TDRD10: variants seen among roughly 807,000 people sequenced by gnomAD.
The protein encoded by TDRD10 is tudor domain-containing protein 10.
A neutral mutation model predicts 48.0 loss-of-function variants in TDRD10; 40 were observed. The observed-to-expected ratio is 0.83, with a 90% confidence interval of 0.65 to 1.09. The LOEUF is 1.09. Ranked by LOEUF, TDRD10 falls within the 50% of genes least tolerant of loss-of-function variation. TDRD10 has a pLI of 0.00. For synonymous variants in TDRD10, 162 were observed against 170.4 expected, an observed-to-expected ratio of 0.95 and a Z score of 0.38; for missense variants, 378 against 434.7, an observed-to-expected ratio of 0.87 and a Z score of 1.16.
chr1:154,546,451 T>G (rs894850210), intron 11 of TDRD10, among the ~76,000 whole-genome samples: 1 of 146,438 alleles, frequency 6.8e-6, no homozygotes, highest in African/African-American at 2.5e-5. Flanking sequence ...GTAATATATA[T>G]TATATATTAT....
intron 1 of TDRD10, among the ~76,000 whole-genome samples, chr1:154,504,767 T>C (rs1693049039): frequency 6.6e-6 from 1 of 152,290 alleles, no homozygotes; most frequent in East Asian, 1.9e-4. Context: ...ATGTATTCTT[T>C]AGGTCTTTTT....
At chr1:154,547,307 C>T (rs1006303439) in intron 11 of TDRD10, 102 bp from the exon 12 acceptor site, 8 of 1,254,422 alleles carry the variant, frequency 6.4e-6, no homozygotes, top group Middle Eastern at 2.3e-4. Flanking sequence ...TGGTTGGCGG[C>T]CAGAGCACTT....
At chr1:154,529,688 G>C (rs1484793587) in intron 6 of TDRD10, among the ~76,000 whole-genome samples, 1 of 151,734 alleles carries the variant, frequency 6.6e-6, no homozygotes, top group Admixed American at 6.6e-5. Flanking sequence ...TGAGATTATA[G>C]GCGCCCACCA....
intron 6 of TDRD10, 132 bp from the exon 7 acceptor site, chr1:154,541,892 C>G: frequency 1.3e-6 from 1 of 784,738 alleles, no homozygotes; most frequent in Non-Finnish European, 2.0e-6. Flanking sequence ...TCTCAAAAGT[C>G]AGCTCTAAAG....
At chr1:154,543,611 C>G (rs1326368447) in intron 8 of TDRD10, among the ~76,000 whole-genome samples, 2 of 152,180 alleles carry the variant, frequency 1.3e-5, no homozygotes, top group Non-Finnish European at 2.9e-5. Flanking sequence ...ACACCTGCAT[C>G]ATTTAGAGGC....
intron 6 of TDRD10, among the ~76,000 whole-genome samples, chr1:154,538,023 GGAGGTCTGTGTTTA>G (rs1279434612): frequency 6.6e-6 from 1 of 152,156 alleles, no homozygotes; most frequent in African/African-American, 2.4e-5. Flanking sequence ...GTCGGAAATT[GGAGGTCTGTGTTTA>G]GGTGATGTGC....
At chr1:154,514,430 T>G (rs1693639854) in intron 4 of TDRD10, among the ~76,000 whole-genome samples, 1 of 152,070 alleles carries the variant, frequency 6.6e-6, no homozygotes, top group African/African-American at 2.4e-5. Flanking sequence ...TGCCCAGGAT[T>G]CTGTAAGACA....
chr1:154,534,261 C>G (rs1694805339), intron 6 of TDRD10, among the ~76,000 whole-genome samples: 1 of 152,026 alleles, frequency 6.6e-6, no homozygotes. Context: ...TTTGCCAGTT[C>G]CTGGGTTAAG....
At chr1:154,512,764 G>A (rs1693552855) in intron 4 of TDRD10, among the ~76,000 whole-genome samples, 1 of 152,194 alleles carries the variant, frequency 6.6e-6, no homozygotes, top group Non-Finnish European at 1.5e-5. Flanking sequence ...CTGCTAAAGA[G>A]AACCAGGCCT....
rs1271365283 is a variant in TDRD10 at position 154,502,272 on chromosome 1, G to C, written c.-785G>C. The stretch of plus-strand genomic sequence containing the variant: ...ACCGTGGCTCTCGGAGGCGGCGGGC[G>C]CCGGGGGCTTCCCCCTGCTCTTTCC... On this transcript the variant is annotated 5_prime_UTR_variant, in exon 1 of 13. Coordinates refer to ENST00000368482, the MANE Select transcript of TDRD10 (RefSeq NM_182499.4). The C allele has an allele frequency of 4.6e-6, 1 of 218,998 alleles. No individual in the cohort carries two copies. Among genetic ancestry groups the C allele is most frequent in the East Asian group, 1.2e-4 (1 of 8,518 alleles). The allele number at this position is 218,998 out of a possible 1,614,324, so 13.6% of individuals were successfully genotyped here. A position where few individuals can be genotyped will look rare whatever the true frequency, so the allele number is the denominator to read the frequency against.
rs1253157051 is a variant in TDRD10 at position 154,510,930 on chromosome 1, C to G, written c.141+2449C>G. Among the ~76,000 whole-genome samples the G allele has an allele frequency of 2.0e-5, 3 of 151,242 alleles. No homozygotes were observed. The South Asian group carries it at 6.3e-4, about 32-fold the overall frequency. The stretch of plus-strand genomic sequence containing the variant: ...GCATGGTGGTGGGCGCCTGTAGTCC[C>G]AGCTACTCGGGAGGCTGAGGCAGGA... On this transcript the variant is annotated intron_variant, in intron 4 of 12. Coordinates refer to ENST00000368482, the MANE Select transcript of TDRD10 (RefSeq NM_182499.4).
chr1:154,521,054 G>T (rs1051685336), intron 5 of TDRD10, among the ~76,000 whole-genome samples: 1 of 152,082 alleles, frequency 6.6e-6, no homozygotes, highest in African/African-American at 2.4e-5. Flanking sequence ...TGAACTTTTG[G>T]GGCAGTAGTA....
intron 4 of TDRD10, among the ~76,000 whole-genome samples, chr1:154,512,983 G>A (rs1157614527): frequency 1.3e-5 from 2 of 152,184 alleles, no homozygotes; most frequent in African/African-American, 4.8e-5. Flanking sequence ...CCTAGTGGCC[G>A]GGAGAGATGT....
chr1:154,543,234 C>G (rs930179725), intron 8 of TDRD10, among the ~76,000 whole-genome samples: 1 of 152,106 alleles, frequency 6.6e-6, no homozygotes, highest in Non-Finnish European at 1.5e-5. Flanking sequence ...GAGATTGTGC[C>G]ACTGCAGTCC....
chr1:154,542,833 A>G lies in TDRD10; in HGVS notation c.503+12A>G, dbSNP rs1293817080. 3 of 1,609,746 alleles carry G rather than the reference A, an allele frequency of 1.9e-6. No individual in the cohort carries two copies. Among genetic ancestry groups the G allele is most frequent in the South Asian group, 2.2e-5 (2 of 90,986 alleles). Reference sequence around the variant, plus strand: ...CCGTTGGAAATGAGGTGAGCAAGGTATAGAAAGACCACCAGGGCAAATGGC... The same window carrying G: ...CCGTTGGAAATGAGGTGAGCAAGGTGTAGAAAGACCACCAGGGCAAATGGC... On this transcript the variant is annotated intron_variant, in intron 8 of 12. Coordinates refer to ENST00000368482, the MANE Select transcript of TDRD10 (RefSeq NM_182499.4).
intron 6 of TDRD10, among the ~76,000 whole-genome samples, chr1:154,540,368 T>C (rs752796645): frequency 1.3e-5 from 2 of 151,850 alleles, no homozygotes; most frequent in Non-Finnish European, 2.9e-5. Flanking sequence ...GGTGAACTGC[T>C]CTGTAGGTAG....
At position 154,508,582 on chromosome 1, in the gene TDRD10, A is replaced by G. The variant is rs991412507; in HGVS notation, c.141+101A>G. On this transcript the variant is annotated intron_variant, in intron 4 of 12. Coordinates refer to ENST00000368482, the MANE Select transcript of TDRD10 (RefSeq NM_182499.4). Reference sequence around the variant, plus strand: ...TTTCCCCAGTTTTTAAAGACGTTTGAGAGCTATGATAGTGCAGACAGTCAC... The same window carrying G: ...TTTCCCCAGTTTTTAAAGACGTTTGGGAGCTATGATAGTGCAGACAGTCAC... 133 of 829,332 alleles carry G rather than the reference A, an allele frequency of 1.6e-4. 1 individual carries two copies. The African/African-American group carries it at 1.8e-3, about 11-fold the overall frequency. The allele number at this position is 829,332 out of a possible 1,614,324, so 51.4% of individuals were successfully genotyped here. A position where few individuals can be genotyped will look rare whatever the true frequency, so the allele number is the denominator to read the frequency against.
chr1:154,542,171 G>T, intron 7 of TDRD10, 105 bp downstream of exon 7: 1 of 1,114,944 alleles, frequency 9.0e-7, no homozygotes, highest in Admixed American at 2.1e-5. Context: ...GTCCCCTGAT[G>T]ACCCTTAGTG....
At chr1:154,529,704 C>T (rs1193961559) in intron 6 of TDRD10, among the ~76,000 whole-genome samples, 3 of 151,832 alleles carry the variant, frequency 2.0e-5, no homozygotes, top group Non-Finnish European at 4.4e-5. Context: ...CACCACCACA[C>T]CGGCTAATTT....
Sources: allele counts gnomAD v4.1 joint callset (sites outside exome capture counted in the v4.1 genomes callset), GRCh38; gene constraint gnomAD v4.1.1; transcripts MANE v1.5; gene names NCBI Gene and HGNC (gene_info 2026-07-23, HGNC 2026-07-21).